The following PPEF1 variants were observed in gnomAD, a reference collection of about 807,000 sequenced individuals.
PPEF1 encodes protein phosphatase with EF-hand domain 1.
PPEF1 carries 12 observed loss-of-function variants against 53.3 expected under a neutral mutation model. The ratio of observed to expected loss-of-function variants is 0.23; its 90% CI spans 0.14 to 0.36. The LOEUF is 0.36. Ranked by LOEUF, PPEF1 falls within the 10% of genes least tolerant of loss-of-function variation. The pLI is 1.00. For missense variants in PPEF1, 334 were observed against 490.4 expected, an observed-to-expected ratio of 0.68 and a Z score of 3.01; for synonymous variants, 165 against 176.7, an observed-to-expected ratio of 0.93 and a Z score of 0.52.
At chrX:18,697,029 C>G (rs1013039897) in intron 4 of PPEF1, among the ~76,000 whole-genome samples, 1 of 112,352 alleles carries the variant, frequency 8.9e-6, no homozygotes, top group Non-Finnish European at 1.9e-5. Flanking sequence ...GAACTGTGGC[C>G]AGCTCCAGGA....
intron 5 of PPEF1, among the ~76,000 whole-genome samples, chrX:18,759,094 C>A (rs189174841): frequency 3.5e-4 from 39 of 111,343 alleles, no homozygotes; most frequent in Admixed American, 3.4e-3. Flanking sequence ...GTTCATTGTC[C>A]ATCGTGAGAC....
chrX:18,802,845 CA>C (rs2046574244), intron 10 of PPEF1, among the ~76,000 whole-genome samples: 1 of 62,374 alleles, frequency 1.6e-5, no homozygotes, highest in African/African-American at 4.7e-5. Flanking sequence ...TTTTTAAAGC[CA>C]AAAAAACAAA....
At chrX:18,776,197 C>T (rs2045961769) in intron 6 of PPEF1, among the ~76,000 whole-genome samples, 1 of 101,823 alleles carries the variant, frequency 9.8e-6, no homozygotes, top group Non-Finnish European at 2.0e-5. Flanking sequence ...CAGAATCCTT[C>T]CCCCTTTCTT....
At chrX:18,730,905 G>C (rs746946611) in intron 2 of PPEF1, among the ~76,000 whole-genome samples, 1 of 111,034 alleles carries the variant, frequency 9.0e-6, no homozygotes, top group Admixed American at 9.7e-5. Flanking sequence ...AGTAGAGACA[G>C]GGTTTCACCA....
chrX:18,747,979 G>A (rs766811153), intron 3 of PPEF1, among the ~76,000 whole-genome samples: 1 of 111,879 alleles, frequency 8.9e-6, no homozygotes, highest in Non-Finnish European at 1.9e-5. Flanking sequence ...ATCCAAGAAC[G>A]ACTACCAAAT....
At chrX:18,762,909 G>A (rs1285946505) in intron 6 of PPEF1, among the ~76,000 whole-genome samples, 1 of 111,659 alleles carries the variant, frequency 9.0e-6, no homozygotes, top group Admixed American at 9.5e-5. Context: ...GGGTTGGGCT[G>A]CTATTTCTCA....
intron 1 of PPEF1, among the ~76,000 whole-genome samples, chrX:18,718,391 C>T (rs1220629421): frequency 9.2e-6 from 1 of 109,223 alleles, no homozygotes; most frequent in Non-Finnish European, 1.9e-5. Context: ...GGCAACATAG[C>T]AATACCTCGT....
intron 4 of PPEF1, among the ~76,000 whole-genome samples, chrX:18,696,701 C>T (rs1261938240): frequency 9.0e-6 from 1 of 111,492 alleles, no homozygotes; most frequent in Admixed American, 9.5e-5. Flanking sequence ...TTGGAGACTA[C>T]TAGGGGTTAG....
intron 3 of PPEF1, among the ~76,000 whole-genome samples, chrX:18,745,556 A>G (rs886582583): frequency 1.8e-5 from 2 of 110,670 alleles, no homozygotes; most frequent in African/African-American, 6.6e-5. Flanking sequence ...GGCCACAAGT[A>G]ACTTTATTTT....
intron 6 of PPEF1, among the ~76,000 whole-genome samples, chrX:18,766,369 A>G (rs2045773800): frequency 9.0e-6 from 1 of 111,423 alleles, no homozygotes; most frequent in Non-Finnish European, 1.9e-5. Flanking sequence ...GATAGTTTGC[A>G]TGGATGTACT....
At chrX:18,784,261 A>C (rs2046155937) in intron 9 of PPEF1, among the ~76,000 whole-genome samples, 1 of 111,800 alleles carries the variant, frequency 8.9e-6, no homozygotes, top group South Asian at 3.8e-4. Context: ...ATGGAAAAAA[A>C]TTTTAAATTC....
At chrX:18,753,847 G>A (rs1305624903) in intron 4 of PPEF1, among the ~76,000 whole-genome samples, 1 of 111,071 alleles carries the variant, frequency 9.0e-6, no homozygotes, top group African/African-American at 3.3e-5. Flanking sequence ...AATTCGATGC[G>A]GTTTATTCTG....
chrX:18,733,292 G>A (rs2044882394), intron 2 of PPEF1, among the ~76,000 whole-genome samples: 1 of 112,024 alleles, frequency 8.9e-6, no homozygotes, highest in African/African-American at 3.2e-5. Context: ...CTGAGACAGG[G>A]ATTCTGGTAC....
At chrX:18,788,268 G>T (rs1219197206) in intron 9 of PPEF1, among the ~76,000 whole-genome samples, 1 of 86,341 alleles carries the variant, frequency 1.2e-5, no homozygotes, top group Non-Finnish European at 2.1e-5. Context: ...TCGCGCCACT[G>T]CACTCCAGCC....
At chrX:18,813,434 G>A (rs988297939) in intron 12 of PPEF1, among the ~76,000 whole-genome samples, 1 of 103,006 alleles carries the variant, frequency 9.7e-6, no homozygotes, top group African/African-American at 3.5e-5. Flanking sequence ...GTACAATCTT[G>A]ATTAACTTGT....
At chrX:18,679,801 C>G (rs1928809467), upstream of PPEF1, among the ~76,000 whole-genome samples, 1 of 111,510 alleles carries the variant, frequency 9.0e-6, no homozygotes, top group Admixed American at 9.6e-5. Context: ...GTTATAAATC[C>G]TCTTACTGGC....
upstream of PPEF1, among the ~76,000 whole-genome samples, chrX:18,681,066 A>C: frequency 9.0e-6 from 1 of 111,428 alleles, no homozygotes; most frequent in Non-Finnish European, 1.9e-5. Context: ...GAATAGTGCC[A>C]CAATAAACAT....
intron 4 of PPEF1, among the ~76,000 whole-genome samples, chrX:18,695,235 C>A (rs769481952): frequency 8.9e-6 from 1 of 112,626 alleles, no homozygotes; most frequent in Non-Finnish European, 1.9e-5. Context: ...TAGAGACTTC[C>A]CCCAGTCCTT....
intron 8 of PPEF1, among the ~76,000 whole-genome samples, chrX:18,783,059 C>G (rs1401664461): frequency 2.9e-5 from 3 of 104,153 alleles, no homozygotes; most frequent in African/African-American, 1.1e-4. Context: ...TTGCAGTGAG[C>G]CGAGGTCGTG....
Sources: allele counts gnomAD v4.1 joint callset (sites outside exome capture counted in the v4.1 genomes callset), GRCh38; gene constraint gnomAD v4.1.1; transcripts MANE v1.5; gene names NCBI Gene and HGNC (gene_info 2026-07-23, HGNC 2026-07-21).